Variants in TAL1 observed in about 807,000 individuals in gnomAD.
TAL1 encodes the protein TAL bHLH transcription factor 1, erythroid differentiation factor.
TAL1 carries 8 observed loss-of-function variants against 17.9 expected under a neutral mutation model. The observed-to-expected ratio is 0.45, with a 90% confidence interval of 0.26 to 0.81. The LOEUF (loss-of-function observed/expected upper bound fraction) is 0.81, where lower values mean the gene tolerates loss of function less well. Among genes scored for constraint, TAL1 ranks in the 30% least tolerant of loss-of-function variants. TAL1 has a pLI of 0.17. For missense variants in TAL1, 466 were observed against 486.9 expected, an observed-to-expected ratio of 0.96 and a Z score of 0.40; for synonymous variants, 223 against 218.6, an observed-to-expected ratio of 1.02 and a Z score of -0.18.
intron 1 of TAL1, chr1:47,226,222 G>T: frequency 3.0e-6 from 1 of 338,214 alleles, no homozygotes; most frequent in Non-Finnish European, 5.3e-6. Flanking sequence ...GGGGAAATCA[G>T]GAGGAAGGAA....
upstream of TAL1, among the ~76,000 whole-genome samples, chr1:47,231,989 G>A (rs904714324): frequency 4.6e-5 from 7 of 152,158 alleles, no homozygotes; most frequent in Non-Finnish European, 8.8e-5. Flanking sequence ...CGGCAGCCGG[G>A]GCGGGGGCGT....
chr1:47,219,577 C>G, exon 4 of TAL1: 2 of 1,352,976 alleles, frequency 1.5e-6, no homozygotes, highest in Non-Finnish European at 2.0e-6. Flanking sequence ...TCAGTAAAGG[C>G]TTCCCAAAGT....
intron 3 of TAL1, among the ~76,000 whole-genome samples, 160 bp from the exon 5 acceptor site, chr1:47,220,334 A>G (rs556653258): frequency 6.6e-6 from 1 of 152,254 alleles, no homozygotes; most frequent in Admixed American, 6.5e-5. Flanking sequence ...TTCCTCATCT[A>G]TGGGAACTTC....
chr1:47,222,814 T>C (rs1203709575), intron 3 of TAL1, among the ~76,000 whole-genome samples: 2 of 152,164 alleles, frequency 1.3e-5, no homozygotes, highest in African/African-American at 4.8e-5. Flanking sequence ...CCTACACTCC[T>C]GCACACCCCA....
rs184160202 is a variant in TAL1 at position 47,228,338 on chromosome 1, G to C, written c.-2+858C>G. 3.3e-3 allele frequency: 603 copies of C among 180,704 alleles called. 6 individuals carry two copies. The highest frequency in any genetic ancestry group is 0.013 in the African/African-American group (558 of 42,508). The allele number at this position is 180,704 out of a possible 1,614,324, so 11.2% of individuals were successfully genotyped here. A position where few individuals can be genotyped will look rare whatever the true frequency, so the allele number is the denominator to read the frequency against. On this transcript the variant is annotated intron_variant, in intron 1 of 3. Coordinates refer to ENST00000294339, the Ensembl canonical transcript of TAL1. ...ATCACTTGATTTGGATTACAGAAAG[G>C]AACGCCCGAGAGATTTTGTTTGTTT...
exon 4 of TAL1, chr1:47,219,826 C>G: frequency 6.2e-7 from 1 of 1,605,378 alleles, no homozygotes; most frequent in Admixed American, 1.7e-5. Flanking sequence ...GCTGGCTGCC[C>G]CATCCAGGGA....
exon 2 of TAL1, chr1:47,225,563 G>A: frequency 7.8e-7 from 1 of 1,281,502 alleles, no homozygotes; most frequent in Admixed American, 4.2e-5. Flanking sequence ...CAGCTCCGCT[G>A]TAACCGAGGC....
At chr1:47,226,256 A>G (rs1162985215) in intron 1 of TAL1, 1 of 249,686 alleles carries the variant, frequency 4.0e-6, no homozygotes, top group African/African-American at 2.3e-5. Flanking sequence ...CAAGAAAGAG[A>G]TTACTCTGTC....
chr1:47,222,699 C>G (rs866593667), intron 3 of TAL1, among the ~76,000 whole-genome samples: 123 of 152,250 alleles, frequency 8.1e-4, no homozygotes, highest in African/African-American at 2.7e-3. Context: ...CCTCACCTTC[C>G]TCTTTCCTGA....
In TAL1 at chr1:47,219,777, C is replaced by CT; in HGVS notation, c.938_939insA (p.Ala314GlyfsTer33). The stretch of plus-strand genomic sequence containing the variant: ...GCATGGCAGGATGGAGGCTGCGGGC[C>CT]GTGTGCTTGGGCGCGGGCTCCTCCG... On this transcript the variant is annotated frameshift_variant, in exon 4 of 4. Coordinates refer to ENST00000294339, the Ensembl canonical transcript of TAL1. LOFTEE classifies it high-confidence loss of function. 2 of 1,611,550 alleles carry CT rather than the reference C, an allele frequency of 1.2e-6. No homozygotes were observed. The highest frequency in any genetic ancestry group is 1.7e-6 in the Non-Finnish European group (2 of 1,179,860).
chr1:47,220,754 C>T (rs1426330359), intron 3 of TAL1, among the ~76,000 whole-genome samples: 1 of 152,188 alleles, frequency 6.6e-6, no homozygotes, highest in African/African-American at 2.4e-5. Context: ...CTATTATTAT[C>T]CATGTATCAG....
exon 4 of TAL1, chr1:47,219,703 C>T (rs2148584786): frequency 6.2e-7 from 1 of 1,606,986 alleles, no homozygotes; most frequent in Non-Finnish European, 8.5e-7. Context: ...CTGGCTGATC[C>T]TGGTGGCCCA....
At chr1:47,219,765 G>C in exon 4 of TAL1, 1 of 1,611,350 alleles carries the variant, frequency 6.2e-7, no homozygotes, top group South Asian at 1.1e-5. Flanking sequence ...TGGCAGGATG[G>C]AGGCTGCGGG....
At chr1:47,217,755 T>C (rs1278110949) in exon 4 of TAL1, 3 of 398,520 alleles carry the variant, frequency 7.5e-6, no homozygotes, top group African/African-American at 6.2e-5. Context: ...CCATCCATAC[T>C]GTGGCTACTT....
upstream of TAL1, chr1:47,231,181 C>T: frequency 5.6e-6 from 1 of 178,376 alleles, no homozygotes; most frequent in Non-Finnish European, 1.2e-5. Flanking sequence ...CCTCAAACAC[C>T]TAGGCACAGG....
At chr1:47,219,763 T>G in exon 4 of TAL1, 1 of 1,611,302 alleles carries the variant, frequency 6.2e-7, no homozygotes, top group Non-Finnish European at 8.5e-7. Context: ...CATGGCAGGA[T>G]GGAGGCTGCG....
exon 1 of TAL1, chr1:47,229,267 G>C (rs142668677): frequency 4.8e-6 from 1 of 207,794 alleles, no homozygotes; most frequent in African/African-American, 2.3e-5. Flanking sequence ...CGGAAGCCGA[G>C]GAAGAGGATG....
At chr1:47,224,460 G>A (rs185767083) in intron 2 of TAL1, among the ~76,000 whole-genome samples, 7 of 150,918 alleles carry the variant, frequency 4.6e-5, no homozygotes, top group Admixed American at 1.3e-4. Flanking sequence ...CCATTCTCCC[G>A]CCCCAGAAAC....
At chr1:47,218,758 C>G (rs776093674) in exon 4 of TAL1, 10 of 233,448 alleles carry the variant, frequency 4.3e-5, no homozygotes, top group Non-Finnish European at 7.6e-5. Context: ...CATCAGCAAA[C>G]AGACATCTTA....
Sources: gnomAD v4.1 joint callset for allele counts (sites outside exome capture counted in the v4.1 genomes callset) on GRCh38, gnomAD v4.1.1 for gene constraint, MANE v1.5 for transcripts, NCBI Gene and HGNC (gene_info 2026-07-23, HGNC 2026-07-21) for gene names.